The following ATP8B4 variants were observed in gnomAD, a reference collection of about 807,000 sequenced individuals.
ATP8B4 encodes the protein probable phospholipid-transporting ATPase IM.
In ATP8B4, 133 loss-of-function variants were observed where a neutral mutation model predicts 145.6. The observed-to-expected ratio is 0.91, with a 90% CI of 0.79 to 1.05. The LOEUF (loss-of-function observed/expected upper bound fraction) is 1.05, where lower values mean the gene tolerates loss of function less well. ATP8B4 is among the 50% of genes least tolerant of loss of function. The probability of loss-of-function intolerance (pLI) is 0.00; values close to 1 mark genes in which losing one functional copy is unlikely to be tolerated. For missense variants in ATP8B4, 1,458 were observed against 1,425.2 expected, an observed-to-expected ratio of 1.02 and a Z score of -0.37; for synonymous variants, 507 against 492.9, an observed-to-expected ratio of 1.03 and a Z score of -0.38.
intron 6 of ATP8B4, among the ~76,000 whole-genome samples, chr15:50,031,275 A>G (rs966036044): frequency 6.6e-6 from 1 of 152,166 alleles, no homozygotes; most frequent in African/African-American, 2.4e-5. Context: ...TCTTCTTTCA[A>G]ATCTGCAAGT....
chr15:50,072,223 A>G (rs2053790662), intron 3 of ATP8B4, among the ~76,000 whole-genome samples: 1 of 152,048 alleles, frequency 6.6e-6, no homozygotes, highest in Non-Finnish European at 1.5e-5. Context: ...TGGGACTCTC[A>G]TATTTCTATG....
At chr15:50,043,821 C>T (rs368954113) in intron 5 of ATP8B4, among the ~76,000 whole-genome samples, 1 of 151,510 alleles carries the variant, frequency 6.6e-6, no homozygotes, top group African/African-American at 2.4e-5. Context: ...GGCGCGGTGG[C>T]GGGCGCCTGT....
upstream of ATP8B4, among the ~76,000 whole-genome samples, chr15:50,123,664 C>T (rs2057288352): frequency 6.6e-6 from 1 of 152,154 alleles, no homozygotes; most frequent in South Asian, 2.1e-4. Flanking sequence ...ACTCCTGTCT[C>T]CCATACAGCT....
chr15:49,897,263 C>T, intron 23 of ATP8B4, 29 bp downstream of exon 23: 2 of 1,550,670 alleles, frequency 1.3e-6, no homozygotes, highest in Non-Finnish European at 1.8e-6. Flanking sequence ...AACAAACAAA[C>T]AAACAAAAAA....
chr15:50,031,520 C>T (rs1347272109), intron 6 of ATP8B4, among the ~76,000 whole-genome samples: 3 of 152,186 alleles, frequency 2.0e-5, no homozygotes, highest in African/African-American at 4.8e-5. Context: ...CACACAGACA[C>T]ACTAAATGTG....
intron 8 of ATP8B4, among the ~76,000 whole-genome samples, chr15:49,997,553 T>G (rs566620047): frequency 6.6e-6 from 1 of 152,094 alleles, no homozygotes; most frequent in Non-Finnish European, 1.5e-5. Flanking sequence ...ATTAAATACA[T>G]ACCCTAGTCA....
chr15:50,087,357 A>T (rs1329630575), intron 2 of ATP8B4, among the ~76,000 whole-genome samples: 3 of 101,916 alleles, frequency 2.9e-5, no homozygotes, highest in Admixed American at 1.1e-4. Context: ...TCTATATATT[A>T]TATATAATAA....
At chr15:49,986,096 A>C (rs1271402727) in intron 10 of ATP8B4, among the ~76,000 whole-genome samples, 1 of 152,220 alleles carries the variant, frequency 6.6e-6, no homozygotes, top group African/African-American at 2.4e-5. Flanking sequence ...ATTTTCCCAC[A>C]AAGAAACCTT....
chr15:50,021,946 G>C (rs1303517672), intron 6 of ATP8B4, among the ~76,000 whole-genome samples: 1 of 152,158 alleles, frequency 6.6e-6, no homozygotes, highest in Non-Finnish European at 1.5e-5. Context: ...GTTTCACAAG[G>C]CTATGTCTCC....
intron 23 of ATP8B4, among the ~76,000 whole-genome samples, chr15:49,891,869 A>C (rs990397515): frequency 6.6e-6 from 1 of 152,150 alleles, no homozygotes; most frequent in Non-Finnish European, 1.5e-5. Context: ...TAATCCCAGC[A>C]TTTTGAGGGG....
At chr15:50,129,963 A>AG in intron 1 of ATP8B4, among the ~76,000 whole-genome samples, 3 of 147,924 alleles carry the variant, frequency 2.0e-5, no homozygotes, top group African/African-American at 7.5e-5. Context: ...AAAAAAAAAA[A>AG]AAAAAAGAAA....
chr15:50,130,781 A>T (rs981361634), intron 1 of ATP8B4, among the ~76,000 whole-genome samples: 1 of 152,104 alleles, frequency 6.6e-6, no homozygotes, highest in Non-Finnish European at 1.5e-5. Context: ...ACTCAAAAAA[A>T]ATTAAAAAAA....
chr15:50,041,024 C>A (rs1393039408), intron 5 of ATP8B4, among the ~76,000 whole-genome samples: 1 of 152,218 alleles, frequency 6.6e-6, no homozygotes, highest in African/African-American at 2.4e-5. Flanking sequence ...TGCCTCATGT[C>A]AAACTGTTAG....
At chr15:49,915,530 A>G (rs930798737) in intron 20 of ATP8B4, among the ~76,000 whole-genome samples, 10 of 152,212 alleles carry the variant, frequency 6.6e-5, no homozygotes, top group African/African-American at 2.4e-4. Context: ...TGACTTGAAC[A>G]TTATACATTC....
chr15:50,057,022 G>A (rs894510971), intron 3 of ATP8B4, among the ~76,000 whole-genome samples: 1 of 151,930 alleles, frequency 6.6e-6, no homozygotes, highest in African/African-American at 2.4e-5. Context: ...CACCACATTC[G>A]GTCAGATTTA....
chr15:50,072,966 C>A (rs867905392), intron 3 of ATP8B4, among the ~76,000 whole-genome samples: 7 of 33,584 alleles, frequency 2.1e-4, no homozygotes, highest in East Asian at 2.5e-3. Flanking sequence ...CTCTCTCTCT[C>A]TCTCTCTCTC....
intron 8 of ATP8B4, among the ~76,000 whole-genome samples, chr15:49,997,059 C>T (rs1056409070): frequency 2.0e-5 from 3 of 152,106 alleles, no homozygotes; most frequent in Admixed American, 6.6e-5. Context: ...TCAGACATCA[C>T]GCATGAGTTA....
At chr15:50,104,629 T>G (rs902911014) in intron 2 of ATP8B4, among the ~76,000 whole-genome samples, 19 of 152,176 alleles carry the variant, frequency 1.2e-4, no homozygotes, top group African/African-American at 4.3e-4. Flanking sequence ...TTGGTGGGAA[T>G]GTAATCTAGT....
intron 1 of ATP8B4, among the ~76,000 whole-genome samples, chr15:50,141,659 G>A (rs758768492): frequency 6.6e-6 from 1 of 152,122 alleles, no homozygotes; most frequent in Non-Finnish European, 1.5e-5. Flanking sequence ...GAGCCGCACT[G>A]TGCATATGTG....
Sources: allele counts gnomAD v4.1 joint callset (sites outside exome capture counted in the v4.1 genomes callset), GRCh38; gene constraint gnomAD v4.1.1; transcripts MANE v1.5; gene names NCBI Gene and HGNC (gene_info 2026-07-23, HGNC 2026-07-21).